SALL3: variants seen among roughly 807,000 people sequenced by gnomAD.
The protein encoded by SALL3 is spalt like transcription factor 3, also known as sal-like protein 3.
In SALL3, 25 loss-of-function variants were observed where a neutral mutation model predicts 66.2. That is an observed-to-expected ratio of 0.38 (90% confidence interval 0.28 to 0.53). SALL3 has a LOEUF of 0.53. Ranked by LOEUF, SALL3 falls within the 20% of genes least tolerant of loss-of-function variation. The pLI is 0.85. For synonymous variants in SALL3, 1,152 were observed against 899.1 expected (o/e 1.28, Z -5.03); for missense variants, 2,194 against 1,916.5 (o/e 1.14, Z -2.70).
intron 1 of SALL3, among the ~76,000 whole-genome samples, chr18:78,987,398 T>G (rs1410724651): frequency 6.6e-6 from 1 of 152,092 alleles, no homozygotes; most frequent in Non-Finnish European, 1.5e-5. Context: ...AAATACATAT[T>G]TTTTTTAACT....
chr18:78,994,010 G>A lies in SALL3; in HGVS notation c.2019G>A (p.Lys673=), dbSNP rs1262139335. ...AGCAGCTGGTGGAGAACATCGACAA[G>A]AAGATGACGGACCCGAACCAGTGCG... is the stretch of plus-strand genomic sequence containing the variant. The part of the protein sequence containing the change: ...KLQQLVENID[K]KMTDPNQCVI... The change falls in exon 2 of 3, where the codon AAG becomes AAA. Residue 673 remains lysine (K), a synonymous_variant. Transcript: ENST00000537592. The A allele has an allele frequency of 3.1e-6, 5 of 1,612,520 alleles. No individual in the cohort carries two copies. The highest frequency in any genetic ancestry group is 1.1e-5 in the South Asian group (1 of 91,000).
At position 78,993,590 on chromosome 18, in the gene SALL3, T is replaced by A. The variant is rs749645036; in HGVS notation, c.1599T>A (p.Thr533=). 13 of 1,585,968 alleles carry A rather than the reference T, an allele frequency of 8.2e-6. No homozygotes were observed. The highest frequency in any genetic ancestry group is 3.4e-5 in the Admixed American group (2 of 58,286). Residue 533 remains threonine (T), a synonymous_variant, in exon 2 of 3, where the codon ACT becomes ACA. Coordinates refer to ENST00000537592, the MANE Select transcript of SALL3 (RefSeq NM_171999.4). ...PTSVGLQLPP[T]VPGAHGYADS... ...CCGTGGGGCTGCAACTGCCGCCCAC[T>A]GTCCCTGGCGCGCACGGCTACGCCG...
At chr18:78,988,528 C>T (rs898602546) in intron 1 of SALL3, among the ~76,000 whole-genome samples, 4 of 152,202 alleles carry the variant, frequency 2.6e-5, no homozygotes, top group Non-Finnish European at 5.9e-5. Flanking sequence ...TGGTTATTTC[C>T]TACAACCAGT....
At chr18:78,982,442 G>A (rs1157670763) in intron 1 of SALL3, among the ~76,000 whole-genome samples, 1 of 152,156 alleles carries the variant, frequency 6.6e-6, no homozygotes, top group Non-Finnish European at 1.5e-5. Flanking sequence ...AGTCTTGGTC[G>A]AGCAGCTCAC....
chr18:78,983,079 T>A (rs1188944037), intron 1 of SALL3, among the ~76,000 whole-genome samples: 3 of 152,044 alleles, frequency 2.0e-5, no homozygotes, highest in African/African-American at 7.3e-5. Context: ...GTGTCTAGAA[T>A]GAGAAAAAGT....
At chr18:78,996,774 T>C (rs1914707239) in intron 2 of SALL3, 117 bp from the exon 3 acceptor site, 7 of 995,960 alleles carry the variant, frequency 7.0e-6, no homozygotes, top group Non-Finnish European at 7.3e-6. Flanking sequence ...CTGTGTTTTG[T>C]TGTCCGTAAG....
chr18:78,990,914 G>T (rs60787658), intron 1 of SALL3, among the ~76,000 whole-genome samples: 8 of 152,172 alleles, frequency 5.3e-5, no homozygotes, highest in Admixed American at 2.0e-4. Context: ...TCTCATTCCT[G>T]TATAGCTATT....
In SALL3 at chr18:78,994,034, C is replaced by T. The variant is rs937417759; in HGVS notation, c.2043C>T (p.Cys681=). 1.9e-5 allele frequency: 31 copies of T among 1,612,594 alleles called. No homozygotes were observed. The East Asian group carries it at 6.2e-4, about 32-fold the overall frequency. Reference sequence around the variant, plus strand: ...AGAAGATGACGGACCCGAACCAGTGCGTCATCTGCCACCGGGTGCTGAGCT... The same window carrying T: ...AGAAGATGACGGACCCGAACCAGTGTGTCATCTGCCACCGGGTGCTGAGCT... The part of the protein sequence containing the change: ...IDKKMTDPNQ[C]VICHRVLSCQ... The change falls in exon 2 of 3, where the codon TGC becomes TGT. Residue 681 remains cysteine, a synonymous_variant. Coordinates refer to ENST00000537592, the MANE Select transcript of SALL3 (RefSeq NM_171999.4).
At chr18:78,985,345 G>T (rs1017586016) in intron 1 of SALL3, among the ~76,000 whole-genome samples, 4 of 152,188 alleles carry the variant, frequency 2.6e-5, no homozygotes, top group Admixed American at 6.5e-5. Context: ...AAGAGAAAAC[G>T]GCTTTCTTTT....
In SALL3 at chr18:78,997,041, G is replaced by C. The variant is rs370302599; in HGVS notation, c.3622G>C (p.Asp1208His). Residue 1208 changes from aspartate to histidine, a missense_variant, in exon 3 of 3, where the codon GAC (aspartate) becomes CAC (histidine). Asp to His is a moderately conservative substitution (Grantham distance 81). Transcript: ENST00000537592. Reference sequence around the variant, plus strand: ...CCTGGCAGCTCGGGCAATGAACGTCGACCCCAGTTTTTGGAACCAGTATGC... The same window carrying C: ...CCTGGCAGCTCGGGCAATGAACGTCCACCCCAGTTTTTGGAACCAGTATGC... ...KDLAARAMNVDPSFWNQYAAA... is the reference protein window; with the variant it reads ...KDLAARAMNVHPSFWNQYAAA... The C allele has an allele frequency of 1.2e-6, 2 of 1,614,008 alleles. No individual in the cohort carries two copies. The highest frequency in any genetic ancestry group is 1.7e-6 in the Non-Finnish European group (2 of 1,180,036).
At chr18:78,986,279 C>T (rs1357485347) in intron 1 of SALL3, among the ~76,000 whole-genome samples, 2 of 152,174 alleles carry the variant, frequency 1.3e-5, no homozygotes, top group East Asian at 3.9e-4. Flanking sequence ...GTGGTCGTGA[C>T]TTAACAAATT....
rs759789467 is a variant in SALL3 at position 78,995,355 on chromosome 18, T to A, written c.3364T>A (p.Phe1122Ile). ...QHNCQSCGKT[F>I]SSASALQIHE... is the part of the protein sequence containing the mutation. Reference sequence around the variant, plus strand: ...CAACTGCCAGTCGTGCGGGAAGACCTTCTCCTCGGCCAGCGCCCTGCAGAT... The same window carrying A: ...CAACTGCCAGTCGTGCGGGAAGACCATCTCCTCGGCCAGCGCCCTGCAGAT... The change falls in exon 2 of 3, where the codon TTC becomes ATC. Residue 1122 changes from phenylalanine (F) to isoleucine (I), a missense_variant. By Grantham distance (21) the Phe-to-Ile change is conservative. Transcript: ENST00000537592. The A allele has an allele frequency of 6.3e-6, 10 of 1,576,528 alleles. No individual in the cohort carries two copies. The highest frequency in any genetic ancestry group is 5.7e-5 in the South Asian group (5 of 88,022).
chr18:78,995,826 C>T (rs141046687), intron 2 of SALL3, among the ~76,000 whole-genome samples: 2 of 152,132 alleles, frequency 1.3e-5, no homozygotes, highest in Middle Eastern at 3.4e-3. Flanking sequence ...TGTCCCTGTG[C>T]ACACACACTG....
At chr18:78,983,484 TTTTG>T (rs778781341) in intron 1 of SALL3, among the ~76,000 whole-genome samples, 5 of 152,234 alleles carry the variant, frequency 3.3e-5, no homozygotes, top group Admixed American at 1.3e-4. Context: ...CCATCCTGTA[TTTTG>T]TTTGTTAGCA....
At position 78,998,850 on chromosome 18, in the gene SALL3, G is replaced by A. The variant is rs1032671228; in HGVS notation, c.*1528G>A. 1 of 152,198 alleles carries A rather than the reference G, an allele frequency of 6.6e-6. No homozygotes were observed. Among genetic ancestry groups the A allele is most frequent in the Admixed American group, 6.5e-5 (1 of 15,288 alleles). The allele number at this position is 152,198 out of a possible 1,614,324, so 9.4% of individuals were successfully genotyped here. A position where few individuals can be genotyped will look rare whatever the true frequency, so the allele number is the denominator to read the frequency against. The stretch of plus-strand genomic sequence containing the variant: ...CTGATGGCTGAGCTGCATCCAGCCA[G>A]GAGGGCCCCGGAGGCTGGGGCGGCC... On this transcript the variant is annotated 3_prime_UTR_variant, in exon 3 of 3. Transcript: ENST00000537592.
intron 1 of SALL3, among the ~76,000 whole-genome samples, chr18:78,985,473 T>A (rs533456280): frequency 2.0e-5 from 3 of 152,340 alleles, no homozygotes; most frequent in Admixed American, 6.5e-5. Flanking sequence ...TGTTTGGTAA[T>A]TCTGTTGTAG....
At chr18:78,984,819 C>T (rs543739882) in intron 1 of SALL3, among the ~76,000 whole-genome samples, 86 of 152,296 alleles carry the variant, frequency 5.6e-4, no homozygotes, top group African/African-American at 2.0e-3. Flanking sequence ...TAAAGGGAGG[C>T]GTTCTCCAGA....
At position 78,993,560 on chromosome 18, in the gene SALL3, C is replaced by T. The variant is rs555559358; in HGVS notation, c.1569C>T (p.Pro523=). The T allele has an allele frequency of 4.0e-4, 634 of 1,591,266 alleles. 2 individuals carry two copies. Among genetic ancestry groups the T allele is most frequent in the South Asian group, 3.4e-3 (303 of 89,146 alleles). Residue 523 remains proline (P), a synonymous_variant, in exon 2 of 3, where the codon CCC becomes CCT. Coordinates refer to ENST00000537592, the MANE Select transcript of SALL3 (RefSeq NM_171999.4). The stretch of plus-strand genomic sequence containing the variant: ...GCAAGCCCGTGCTGCCCACCGTGCC[C>T]ACGTCCGTGGGGCTGCAACTGCCGC... ...LDSKPVLPTV[P]TSVGLQLPPT...
chr18:78,980,341 G>C lies in SALL3; in HGVS notation c.67G>C (p.Gly23Arg), dbSNP rs1255361015. 1 of 1,439,832 alleles carries C rather than the reference G, an allele frequency of 6.9e-7. No homozygotes were observed. Among genetic ancestry groups the C allele is most frequent in the Non-Finnish European group, 9.2e-7 (1 of 1,090,970 alleles). 89.2% of individuals were successfully genotyped at this position (1,439,832 alleles called of 1,614,324 possible). A position where few individuals can be genotyped will look rare whatever the true frequency, so the allele number is the denominator to read the frequency against. The change falls in exon 1 of 3, where the codon GGG becomes CGG. Residue 23 changes from glycine (G) to arginine (R), a missense_variant. By Grantham distance (125) the Gly-to-Arg change is moderately radical. Transcript: ENST00000537592. Reference protein sequence around the residue: ...KSDEELLPPDGAPEHAAPGEG... With the variant: ...KSDEELLPPDRAPEHAAPGEG... ...GGACGAGGAGCTGCTGCCGCCTGACGGGGCTCCCGAGCACGGTGAGGGCCG... is the reference window on the plus strand; with the variant it reads ...GGACGAGGAGCTGCTGCCGCCTGACCGGGCTCCCGAGCACGGTGAGGGCCG...
Sources: allele counts gnomAD v4.1 joint callset (sites outside exome capture counted in the v4.1 genomes callset), GRCh38; gene constraint gnomAD v4.1.1; transcripts MANE v1.5; gene names NCBI Gene and HGNC (gene_info 2026-07-23, HGNC 2026-07-21).